The following COL22A1 variants were observed in gnomAD, a reference collection of about 807,000 sequenced individuals.
COL22A1 encodes the protein collagen alpha-1(XXII) chain.
A neutral mutation model predicts 248.9 loss-of-function variants in COL22A1; 221 were observed. The ratio of observed to expected loss-of-function variants is 0.89; its 90% CI spans 0.80 to 0.99. The LOEUF is 0.99. Ranked by LOEUF, COL22A1 falls within the 50% of genes least tolerant of loss-of-function variation. The pLI, the probability that COL22A1 is intolerant of heterozygous loss-of-function variation, is 0.00. For missense variants in COL22A1, 2,240 were observed against 2,179.0 expected (o/e 1.03, Z -0.56); for synonymous variants, 891 against 793.4 (o/e 1.12, Z -2.07).
chr8:138,746,541 CAG>C (rs1314650811), intron 22 of COL22A1, among the ~76,000 whole-genome samples: 1 of 152,214 alleles, frequency 6.6e-6, no homozygotes, highest in African/African-American at 2.4e-5. Flanking sequence ...ATCCAAATGA[CAG>C]AACACAACCT....
intron 2 of COL22A1, among the ~76,000 whole-genome samples, chr8:138,882,714 CCT>C (rs1824327155): frequency 6.6e-6 from 1 of 150,864 alleles, no homozygotes; most frequent in East Asian, 2.0e-4. Context: ...ACACACACTC[CCT>C]CACACTCCCC....
In COL22A1 at chr8:138,685,286, T is replaced by C. The variant is rs773586697; in HGVS notation, c.2889A>G (p.Pro963=). 6.2e-7 allele frequency: 1 copy of C among 1,613,882 alleles called. No homozygotes were observed. The highest frequency in any genetic ancestry group is 1.7e-5 in the Admixed American group (1 of 59,982). ...GATCTCCCCTGGGACCAACTGGCCC[T>C]GGGCTGCCTTCTTCCCCCGCTGCAC... is the stretch of plus-strand genomic sequence containing the variant. ...EKGAAGEEGS[P]GPVGPRGDPG... Residue 963 remains proline, a synonymous_variant, in exon 38 of 65, where the codon CCA becomes CCG. Coordinates refer to ENST00000303045, the MANE Select transcript of COL22A1 (RefSeq NM_152888.3).
intron 35 of COL22A1, among the ~76,000 whole-genome samples, chr8:138,691,554 C>T (rs1162829204): frequency 2.7e-5 from 4 of 148,660 alleles, no homozygotes; most frequent in African/African-American, 1.0e-4. Flanking sequence ...TCCGTGTGTG[C>T]ATGTTTGTGG....
chr8:138,784,373 T>C (rs1346125395), intron 12 of COL22A1, among the ~76,000 whole-genome samples: 1 of 152,198 alleles, frequency 6.6e-6, no homozygotes, highest in Non-Finnish European at 1.5e-5. Context: ...TTTACTTTTG[T>C]GGGTTAAACT....
chr8:138,821,673 T>C (rs1273963235), intron 6 of COL22A1, among the ~76,000 whole-genome samples: 1 of 152,140 alleles, frequency 6.6e-6, no homozygotes, highest in Non-Finnish European at 1.5e-5. Context: ...ATAATTGCAC[T>C]CATACATTAA....
chr8:138,767,571 A>G (rs1387354331), intron 16 of COL22A1, among the ~76,000 whole-genome samples: 1 of 152,228 alleles, frequency 6.6e-6, no homozygotes, highest in Non-Finnish European at 1.5e-5. Flanking sequence ...AAGCTTATGC[A>G]AACGAAAGAG....
At chr8:138,736,262 A>T (rs2131248090) in intron 23 of COL22A1, among the ~76,000 whole-genome samples, 1 of 151,934 alleles carries the variant, frequency 6.6e-6, no homozygotes, top group South Asian at 2.1e-4. Context: ...GGCCCAGATC[A>T]GGGGACAGGA....
chr8:138,802,956 C>T (rs759906502), intron 10 of COL22A1, 22 bp from the exon 11 acceptor site: 1 of 1,603,810 alleles, frequency 6.2e-7, no homozygotes, highest in Non-Finnish European at 8.5e-7. Flanking sequence ...AGACCAGAGA[C>T]AAGCATCAGA....
intron 49 of COL22A1, 144 bp downstream of exon 49, chr8:138,634,866 T>C: frequency 1.4e-6 from 1 of 691,268 alleles, no homozygotes; most frequent in Admixed American, 3.0e-5. Flanking sequence ...GACTTGCATT[T>C]TTAGGACAAC....
chr8:138,610,205 A>G (rs1046243214), intron 56 of COL22A1, among the ~76,000 whole-genome samples: 2 of 152,184 alleles, frequency 1.3e-5, no homozygotes, highest in African/African-American at 4.8e-5. Flanking sequence ...CCTGTCTCAC[A>G]GGGTTTGGGG....
intron 16 of COL22A1, among the ~76,000 whole-genome samples, chr8:138,773,443 T>TG (rs969377489): frequency 1.7e-4 from 26 of 150,334 alleles, no homozygotes; most frequent in African/African-American, 6.0e-4. Context: ...TCCTTTGGAG[T>TG]GGGGGGTCCC....
intron 1 of COL22A1, among the ~76,000 whole-genome samples, chr8:138,911,767 T>C (rs1179218964): frequency 6.6e-6 from 1 of 152,174 alleles, no homozygotes; most frequent in Non-Finnish European, 1.5e-5. Context: ...TATAAAACCT[T>C]TCGTGAATCT....
intron 22 of COL22A1, among the ~76,000 whole-genome samples, chr8:138,741,331 G>A (rs958668533): frequency 6.6e-6 from 1 of 152,214 alleles, no homozygotes; most frequent in Non-Finnish European, 1.5e-5. Flanking sequence ...TTGCCGGGGT[G>A]GGGTACAAAG....
At chr8:138,636,714 A>G in intron 48 of COL22A1, 28 bp downstream of exon 48, 1 of 1,573,272 alleles carries the variant, frequency 6.4e-7, no homozygotes, top group Non-Finnish European at 8.7e-7. Flanking sequence ...CCTCAGGGTG[A>G]ATGGTTCCTT....
chr8:138,783,055 C>G (rs143051051), intron 12 of COL22A1, among the ~76,000 whole-genome samples: 1 of 152,112 alleles, frequency 6.6e-6, no homozygotes, highest in African/African-American at 2.4e-5. Flanking sequence ...AATCCTGGGC[C>G]CTGAGGGGTA....
intron 1 of COL22A1, among the ~76,000 whole-genome samples, chr8:138,901,363 T>TG (rs1205311561): frequency 3.1e-5 from 3 of 95,416 alleles, no homozygotes; most frequent in African/African-American, 1.0e-4. Context: ...GGCAGGTTTT[T>TG]TTTTTGTTTT....
At chr8:138,863,460 C>T (rs185618359) in intron 3 of COL22A1, among the ~76,000 whole-genome samples, 13 of 152,234 alleles carry the variant, frequency 8.5e-5, no homozygotes, top group Admixed American at 5.2e-4. Flanking sequence ...CCATCCCAGC[C>T]CCACCTCTGC....
chr8:138,660,979 C>CACACAGACACACATACACACAT (rs376227225), intron 43 of COL22A1, among the ~76,000 whole-genome samples: 1 of 137,782 alleles, frequency 7.3e-6, no homozygotes, highest in African/African-American at 3.0e-5. Flanking sequence ...CACACATACA[C>CACACAGACACACATACACACAT]ACACACATAC....
At chr8:138,662,706 G>C (rs950174348) in intron 42 of COL22A1, among the ~76,000 whole-genome samples, 1 of 152,046 alleles carries the variant, frequency 6.6e-6, no homozygotes, top group African/African-American at 2.4e-5. Context: ...CATCTCCTGG[G>C]CCTTCACAGA....
Sources: allele counts gnomAD v4.1 joint callset (sites outside exome capture counted in the v4.1 genomes callset), GRCh38; gene constraint gnomAD v4.1.1; transcripts MANE v1.5; gene names NCBI Gene and HGNC (gene_info 2026-07-23, HGNC 2026-07-21).